LMF1: variants seen among roughly 807,000 people sequenced by gnomAD.
LMF1 encodes transmembrane protein 112.
In LMF1, 68 loss-of-function variants were observed where a neutral mutation model predicts 60.6. The observed-to-expected ratio is 1.12, with a 90% CI of 0.92 to 1.37. The LOEUF (loss-of-function observed/expected upper bound fraction) is 1.37. Ranked by LOEUF, LMF1 falls within the 40% of genes most tolerant of loss-of-function variation. The probability of loss-of-function intolerance (pLI) is 0.00; values close to 1 mark genes in which losing one functional copy is unlikely to be tolerated. For missense variants in LMF1, 948 were observed against 767.2 expected, an observed-to-expected ratio of 1.24 and a Z score of -2.78; for synonymous variants, 418 against 324.7, an observed-to-expected ratio of 1.29 and a Z score of -3.09.
At chr16:911,971 G>A (rs1382023238) in intron 3 of LMF1, among the ~76,000 whole-genome samples, 1 of 152,196 alleles carries the variant, frequency 6.6e-6, no homozygotes, top group African/African-American at 2.4e-5. Flanking sequence ...CGCCATTCCA[G>A]TGCTATTCTC....
intron 7 of LMF1, 112 bp downstream of exon 7, chr16:871,049 C>T (rs892108270): frequency 2.0e-5 from 28 of 1,399,530 alleles, no homozygotes; most frequent in South Asian, 1.0e-4. Context: ...CTGCGGACGG[C>T]GCTGACTCTC....
chr16:906,603 G>A (rs2070978968), intron 4 of LMF1, among the ~76,000 whole-genome samples: 2 of 152,114 alleles, frequency 1.3e-5, no homozygotes, highest in African/African-American at 4.8e-5. Context: ...TGATCGTGGA[G>A]TTAATACTCA....
intron 10 of LMF1, among the ~76,000 whole-genome samples, chr16:863,652 C>G (rs750073985): frequency 6.6e-6 from 1 of 152,104 alleles, no homozygotes; most frequent in Non-Finnish European, 1.5e-5. Context: ...TGATCTTGAG[C>G]TAGATTATTA....
At chr16:860,320 A>G (rs1347305595) in intron 10 of LMF1, among the ~76,000 whole-genome samples, 3 of 149,648 alleles carry the variant, frequency 2.0e-5, no homozygotes, top group Admixed American at 1.3e-4. Context: ...GATCCCAAAG[A>G]TTTTCTTCTA....
At chr16:918,061 G>C (rs766236350) in intron 3 of LMF1, among the ~76,000 whole-genome samples, 2 of 152,264 alleles carry the variant, frequency 1.3e-5, no homozygotes, top group African/African-American at 4.8e-5. Flanking sequence ...GGTTAAACCA[G>C]AGATCAGATG....
intron 1 of LMF1, among the ~76,000 whole-genome samples, chr16:967,637 C>CTCAGTG (rs772173317): frequency 4.6e-5 from 7 of 152,246 alleles, no homozygotes; most frequent in Non-Finnish European, 1.0e-4. Context: ...TGAGGGGAAG[C>CTCAGTG]TCAGTGTCAG....
intron 3 of LMF1, among the ~76,000 whole-genome samples, chr16:920,607 G>A (rs56022541): frequency 0.037 from 5,639 of 152,324 alleles, 128 homozygotes; most frequent in East Asian, 0.094. Flanking sequence ...CCAGGAGCTC[G>A]TGGAAGGCAG....
chr16:896,661 C>A (rs965414574), intron 4 of LMF1, among the ~76,000 whole-genome samples: 6 of 152,154 alleles, frequency 3.9e-5, no homozygotes, highest in Admixed American at 6.5e-5. Context: ...AAATGCACGG[C>A]TCCACCGGGC....
intron 1 of LMF1, among the ~76,000 whole-genome samples, chr16:969,838 CAT>C (rs771274180): frequency 1.3e-5 from 2 of 152,218 alleles, no homozygotes; most frequent in Non-Finnish European, 2.9e-5. Context: ...CGTGTGATCA[CAT>C]GTCACCGTGA....
At position 897,700 on chromosome 16, in the gene LMF1, G is replaced by A. The variant is rs1402715236; in HGVS notation, c.664-4628C>T. 6.6e-6 allele frequency among the ~76,000 whole-genome samples: 1 copy of A among 152,144 alleles called. No individual in the cohort carries two copies. Among genetic ancestry groups the A allele is most frequent in the Non-Finnish European group, 1.5e-5 (1 of 68,008 alleles). ...TGGAAACCGTGTCTCAGGGTGAAGG[G>A]ACCGCTGGTGGGCTCCGTGGGCAGA... On this transcript the variant is annotated intron_variant, in intron 4 of 10. Transcript: ENST00000262301. The surrounding 1 kb of genome is among the most constrained non-coding windows in gnomAD (Gnocchi z 4.3).
Position 874,565 on chromosome 16 carries a change from G to A in LMF1, c.898-3224C>T, listed in dbSNP as rs1036480709. On this transcript the variant is annotated intron_variant, in intron 6 of 10. Transcript: ENST00000262301. This position sits in a 1 kb window ranked among gnomAD's most constrained non-coding sequence, Gnocchi z 4.1. Reference sequence around the variant, plus strand: ...TTGTGCACCTCTCCAGGCAGGCAGCGGCCCCAGGGCCCCGCGGAACCCTCC... The same window carrying A: ...TTGTGCACCTCTCCAGGCAGGCAGCAGCCCCAGGGCCCCGCGGAACCCTCC... Among the ~76,000 whole-genome samples the A allele has an allele frequency of 4.6e-5, 7 of 152,204 alleles. No individual in the cohort carries two copies. Among genetic ancestry groups the A allele is most frequent in the African/African-American group, 7.2e-5 (3 of 41,458 alleles).
chr16:864,106 CAT>C (rs151072685), intron 10 of LMF1, among the ~76,000 whole-genome samples: 2,088 of 152,334 alleles, frequency 0.014, 24 homozygotes, highest in Non-Finnish European at 0.021. Flanking sequence ...TTTTTCTTCA[CAT>C]GTTTTGCAGA....
At chr16:931,138 G>T (rs911967507) in intron 3 of LMF1, among the ~76,000 whole-genome samples, 4 of 152,128 alleles carry the variant, frequency 2.6e-5, no homozygotes, top group Non-Finnish European at 5.9e-5. Flanking sequence ...AAAAAGGTCT[G>T]GGACCGCCCA....
At chr16:856,058 G>C (rs1275632105) in intron 10 of LMF1, 5 of 430,142 alleles carry the variant, frequency 1.2e-5, no homozygotes, top group East Asian at 7.0e-5. Flanking sequence ...TGAGGCGCCT[G>C]ATGGGAGAGA....
At chr16:933,880 G>T in intron 3 of LMF1, 2 of 1,082,044 alleles carry the variant, frequency 1.8e-6, no homozygotes, top group Non-Finnish European at 1.2e-6. Flanking sequence ...CGTGAGTGCC[G>T]TGAGCACCGT....
At chr16:970,989 A>T (rs1381556309), upstream of LMF1, 1 of 1,472,834 alleles carries the variant, frequency 6.8e-7, no homozygotes, top group East Asian at 2.7e-5. Context: ...ATGTGCGGGG[A>T]GGGCGCACTC....
intron 5 of LMF1, among the ~76,000 whole-genome samples, chr16:889,425 G>T (rs1473729706): frequency 2.6e-5 from 4 of 152,142 alleles, no homozygotes; most frequent in Non-Finnish European, 5.9e-5. Context: ...TGGTGGAGCA[G>T]TTCCTTCTGG....
chr16:954,306 G>A (rs1225985981), intron 2 of LMF1, 51 bp downstream of exon 2: 3 of 1,557,266 alleles, frequency 1.9e-6, no homozygotes, highest in Non-Finnish European at 2.6e-6. Context: ...CAGTGCCTGT[G>A]CTGAGTGACA....
At chr16:859,452 C>T (rs867708263) in intron 10 of LMF1, among the ~76,000 whole-genome samples, 4 of 48,796 alleles carry the variant, frequency 8.2e-5, no homozygotes, top group African/African-American at 1.0e-4. Context: ...TGTCACGGGA[C>T]GGGTGTGAGT....
Sources: allele counts gnomAD v4.1 joint callset (sites outside exome capture counted in the v4.1 genomes callset), GRCh38; gene constraint gnomAD v4.1.1; non-coding constraint Gnocchi (gnomAD v3.1); transcripts MANE v1.5; gene names NCBI Gene and HGNC (gene_info 2026-07-23, HGNC 2026-07-21).